The following ANAPC7 variants were observed in gnomAD, a reference collection of about 807,000 sequenced individuals.
The protein encoded by ANAPC7 is anaphase promoting complex subunit 7.
In ANAPC7, 25 loss-of-function variants were observed where a neutral mutation model predicts 63.3. That is an observed-to-expected ratio of 0.39 (90% CI 0.29 to 0.55). The LOEUF (loss-of-function observed/expected upper bound fraction) is 0.55. Ranked by LOEUF, ANAPC7 falls within the 20% of genes least tolerant of loss-of-function variation. ANAPC7 has a pLI of 0.57. For missense variants in ANAPC7, 516 were observed against 691.7 expected, an observed-to-expected ratio of 0.75 and a Z score of 2.85; for synonymous variants, 241 against 251.7, an observed-to-expected ratio of 0.96 and a Z score of 0.40.
chr12:110,374,798 C>T (rs773472548), intron 10 of ANAPC7, among the ~76,000 whole-genome samples: 12 of 152,126 alleles, frequency 7.9e-5, no homozygotes, highest in Non-Finnish European at 2.9e-5. Flanking sequence ...CAGGAGCCAA[C>T]CAAAAACATC....
At chr12:110,383,489 G>C (rs1213587466) in intron 6 of ANAPC7, among the ~76,000 whole-genome samples, 1 of 151,466 alleles carries the variant, frequency 6.6e-6, no homozygotes. Context: ...CTGTAATCCT[G>C]GCACTCTGGG....
chr12:110,374,097 G>T lies in ANAPC7; in HGVS notation c.*47C>A. 1 of 1,541,794 alleles carries T rather than the reference G, an allele frequency of 6.5e-7. No individual in the cohort carries two copies. The stretch of plus-strand genomic sequence containing the variant: ...CCTACGGTTCCTTCAGTCCACGGAA[G>T]TGCTCAGAGCAGGGCAGGCCACTGC... On this transcript the variant is annotated 3_prime_UTR_variant, in exon 11 of 11. Coordinates refer to ENST00000455511, the MANE Select transcript of ANAPC7 (RefSeq NM_016238.3).
At chr12:110,390,151 C>A (rs1882978951) in intron 3 of ANAPC7, among the ~76,000 whole-genome samples, 1 of 151,882 alleles carries the variant, frequency 6.6e-6, no homozygotes, top group African/African-American at 2.4e-5. Flanking sequence ...TCACTGCAAC[C>A]TCTGCCTCCT....
intron 1 of ANAPC7, among the ~76,000 whole-genome samples, chr12:110,402,646 T>C (rs973083040): frequency 6.6e-6 from 1 of 151,330 alleles, no homozygotes; most frequent in Non-Finnish European, 1.5e-5. Context: ...TAAAGGATAT[T>C]AAGCAGGAGA....
intron 5 of ANAPC7, chr12:110,387,444 TC>T (rs1882714425): frequency 9.6e-6 from 1 of 103,684 alleles, no homozygotes. Context: ...CGACCTTGTC[TC>T]AAAAAAAAAA....
At chr12:110,388,877 G>A (rs1329018833) in intron 3 of ANAPC7, among the ~76,000 whole-genome samples, 1 of 151,960 alleles carries the variant, frequency 6.6e-6, no homozygotes, top group Admixed American at 6.6e-5. Flanking sequence ...TCAGGAGATT[G>A]AGACCATCCC....
rs779559503 is a variant in ANAPC7 at position 110,377,411 on chromosome 12, T to G, written c.1339A>C (p.Lys447Gln). Residue 447 changes from lysine to glutamine, a missense_variant, in exon 9 of 11, where the codon AAA becomes CAA. Lys to Gln is a moderately conservative substitution (Grantham distance 53, BLOSUM62 1). Transcript: ENST00000455511. ...QRPDYIKAVV[K>Q]KAELLSREQK... ...CACTTACTAAGTAGTTCTGCTTTTT[T>G]CACCACAGCCTTAATGTAATCTGGC... 40 of 1,613,804 alleles carry G rather than the reference T, an allele frequency of 2.5e-5. No individual in the cohort carries two copies. In the South Asian group the frequency reaches 4.4e-4, roughly 18 times the overall value.
chr12:110,376,278 G>C (rs1881256152), intron 9 of ANAPC7, 62 bp from the exon 10 acceptor site: 1 of 1,582,130 alleles, frequency 6.3e-7, no homozygotes, highest in Non-Finnish European at 8.6e-7. Context: ...CTACCATTCT[G>C]ACCATCTCTT....
chr12:110,383,048 CA>C lies in ANAPC7; in HGVS notation c.818-89del, dbSNP rs2137937957. Reference sequence around the variant, plus strand: ...AGGAGTAGCACCCAACATCAGACCCCATGCTGAGGCCCCAGCTCCTGCAGGG... The same window carrying C: ...AGGAGTAGCACCCAACATCAGACCCCTGCTGAGGCCCCAGCTCCTGCAGGG... On this transcript the variant is annotated intron_variant, in intron 6 of 10. Transcript: ENST00000455511. 4 of 919,464 alleles carry C rather than the reference CA, an allele frequency of 4.4e-6. 1 individual carries two copies. The South Asian group carries it at 6.5e-5, about 15-fold the overall frequency. The allele number at this position is 919,464 out of a possible 1,614,324, so 57.0% of individuals were successfully genotyped here. A position where few individuals can be genotyped will look rare whatever the true frequency, so the allele number is the denominator to read the frequency against.
intron 3 of ANAPC7, among the ~76,000 whole-genome samples, chr12:110,392,006 C>G (rs1883131448): frequency 7.0e-6 from 1 of 142,652 alleles, no homozygotes; most frequent in South Asian, 2.2e-4. Context: ...GTAGGGGAAT[C>G]GCTTGAACCC....
chr12:110,381,981 A>C (rs1881899979), intron 7 of ANAPC7, 33 bp from the exon 8 acceptor site: 2 of 1,493,916 alleles, frequency 1.3e-6, no homozygotes, highest in Non-Finnish European at 1.8e-6. Context: ...AAACACAAAA[A>C]CCCCAGAAGT....
At chr12:110,400,864 T>C (rs1566280885) in intron 1 of ANAPC7, among the ~76,000 whole-genome samples, 1 of 148,716 alleles carries the variant, frequency 6.7e-6, no homozygotes, top group African/African-American at 2.5e-5. Context: ...CTGGCCAACA[T>C]GATGAAACCC....
chr12:110,377,340 T>TC (rs1881381386), intron 9 of ANAPC7, 53 bp downstream of exon 9: 1 of 1,514,418 alleles, frequency 6.6e-7, no homozygotes, highest in Non-Finnish European at 9.1e-7. Context: ...CCAACTGAGG[T>TC]CAGGTTTTAT....
At chr12:110,382,460 AAAT>A (rs1467040679) in intron 7 of ANAPC7, among the ~76,000 whole-genome samples, 1,014 of 70,340 alleles carry the variant, frequency 0.014, 3 homozygotes, top group Middle Eastern at 0.027. Context: ...AAAAAAAAAA[AAAT>A]ATATATATAT....
At chr12:110,398,420 G>GAA (rs56355505) in intron 1 of ANAPC7, among the ~76,000 whole-genome samples, 6 of 144,652 alleles carry the variant, frequency 4.1e-5, no homozygotes, top group African/African-American at 1.5e-4. Flanking sequence ...CCCTGTCTCA[G>GAA]AAAAAAAAAA....
intron 1 of ANAPC7, 93 bp from the exon 2 acceptor site, chr12:110,396,545 C>G (rs1194673509): frequency 2.2e-5 from 23 of 1,034,364 alleles, no homozygotes; most frequent in Non-Finnish European, 2.8e-5. Context: ...GATTCTCACT[C>G]TGTCACCCAG....
intron 1 of ANAPC7, among the ~76,000 whole-genome samples, chr12:110,397,565 A>C (rs1592929109): frequency 6.6e-6 from 1 of 151,678 alleles, no homozygotes; most frequent in Non-Finnish European, 1.5e-5. Context: ...CTCAAAAAAA[A>C]AAAAAAACAC....
rs201433415 is a variant in ANAPC7 at position 110,382,078 on chromosome 12, GT to G, written c.936-131del. ...ATCCTTATTCCAAACCACACTTATA[GT>G]TTTAACCTAAGATATTAGTAGAAAA... is the stretch of plus-strand genomic sequence containing the variant. On this transcript the variant is annotated intron_variant, in intron 7 of 10. Coordinates refer to ENST00000455511, the MANE Select transcript of ANAPC7 (RefSeq NM_016238.3). 6.1e-4 allele frequency: 543 copies of G among 884,164 alleles called. 1 individual carries two copies. In the African/African-American group the frequency reaches 7.3e-3, roughly 12 times the overall value. 54.8% of individuals were successfully genotyped at this position (884,164 alleles called of 1,614,324 possible). A position where few individuals can be genotyped will look rare whatever the true frequency, so the allele number is the denominator to read the frequency against.
rs926433302 is a variant in ANAPC7 at position 110,377,814 on chromosome 12, G to T, written c.1133-197C>A. On this transcript the variant is annotated intron_variant, in intron 8 of 10. Transcript: ENST00000455511. ...GTGCTCTTCCCCAGAGAACTTGATG[G>T]ATGTAGAAAAAGACTGCCTTCAAAG... 6 of 1,427,812 alleles carry T rather than the reference G, an allele frequency of 4.2e-6. No individual in the cohort carries two copies. The African/African-American group carries it at 7.2e-5, about 17-fold the overall frequency. The allele number at this position is 1,427,812 out of a possible 1,614,324, so 88.4% of individuals were successfully genotyped here.
Sources: gnomAD v4.1 joint callset for allele counts (sites outside exome capture counted in the v4.1 genomes callset) on GRCh38, gnomAD v4.1.1 for gene constraint, MANE v1.5 for transcripts, NCBI Gene and HGNC (gene_info 2026-07-23, HGNC 2026-07-21) for gene names.